Variants in MYO5B observed in about 807,000 individuals in gnomAD.
MYO5B encodes myosin VB, also known as unconventional myosin-Vb.
MYO5B carries 143 observed loss-of-function variants against 229.3 expected under a neutral mutation model. The observed-to-expected ratio is 0.62, with a 90% CI of 0.54 to 0.72. The LOEUF (loss-of-function observed/expected upper bound fraction) is 0.72. Among genes scored for constraint, MYO5B ranks in the 30% least tolerant of loss-of-function variants. The pLI, the probability that MYO5B is intolerant of heterozygous loss-of-function variation, is 0.00. For missense variants in MYO5B, 2,321 were observed against 2,331.0 expected, an observed-to-expected ratio of 1.00 and a Z score of 0.09; for synonymous variants, 918 against 885.2, an observed-to-expected ratio of 1.04 and a Z score of -0.66.
intron 1 of MYO5B, among the ~76,000 whole-genome samples, chr18:50,187,778 A>G (rs931188268): frequency 5.3e-5 from 8 of 152,168 alleles, no homozygotes; most frequent in Non-Finnish European, 1.0e-4. Context: ...TGGCCTCCCA[A>G]AGTGCTAGGA....
chr18:50,086,326 T>C (rs911683913), intron 1 of MYO5B, among the ~76,000 whole-genome samples: 1 of 152,238 alleles, frequency 6.6e-6, no homozygotes, highest in Non-Finnish European at 1.5e-5. Flanking sequence ...GTACCATGAC[T>C]AGATACACCT....
rs148444859 is a variant in MYO5B at position 49,930,342 on chromosome 18, G to T, written c.2004-744C>A. ...TTACATTATTACAGATTACTTTCCA[G>T]TCTTCAGAGATATGTGCACCATTTT... On this transcript the variant is annotated intron_variant, in intron 16 of 39. Coordinates refer to ENST00000285039, the MANE Select transcript of MYO5B (RefSeq NM_001080467.3). Among the ~76,000 whole-genome samples the T allele has an allele frequency of 4.6e-3, 700 of 152,280 alleles. 3 individuals carry two copies. The highest frequency in any genetic ancestry group is 6.5e-3 in the Non-Finnish European group (441 of 68,030).
chr18:49,890,609 G>C (rs572267650), intron 22 of MYO5B, among the ~76,000 whole-genome samples: 4 of 152,268 alleles, frequency 2.6e-5, no homozygotes, highest in Admixed American at 1.3e-4. Context: ...TTTGTCTTAT[G>C]TTTTCAAGAG....
chr18:50,037,082 C>A lies in MYO5B; in HGVS notation c.311-88G>T. The A allele has an allele frequency of 3.5e-6, 5 of 1,448,018 alleles. No individual in the cohort carries two copies. In the Admixed American group the frequency reaches 6.8e-5, roughly 20 times the overall value. The allele number at this position is 1,448,018 out of a possible 1,614,324, so 89.7% of individuals were successfully genotyped here. On this transcript the variant is annotated intron_variant, in intron 3 of 39. Transcript: ENST00000285039. ...AGGCACCCATCCATTCATACACATG[C>A]CAAAAACCAAAGAATGAGAGGGCAG...
chr18:50,095,166 A>T (rs1373067342), intron 1 of MYO5B, among the ~76,000 whole-genome samples: 3 of 152,214 alleles, frequency 2.0e-5, no homozygotes, highest in Admixed American at 1.3e-4. Context: ...CCTTTCTCAC[A>T]GAGTATCCCC....
At chr18:50,077,502 AACACAC>A (rs60086500) in intron 1 of MYO5B, among the ~76,000 whole-genome samples, 3,779 of 133,582 alleles carry the variant, frequency 0.028, 57 homozygotes, top group Non-Finnish European at 0.036. Context: ...CACACACACA[AACACAC>A]ACACACACAC....
chr18:49,864,401 C>A (rs747677308), intron 27 of MYO5B, 21 bp from the exon 28 acceptor site: 1 of 1,611,792 alleles, frequency 6.2e-7, no homozygotes. Flanking sequence ...GCCCAAGGGC[C>A]GCTGCCATTA....
At chr18:50,098,108 C>T (rs1460348330) in intron 1 of MYO5B, among the ~76,000 whole-genome samples, 6 of 152,106 alleles carry the variant, frequency 3.9e-5, no homozygotes, top group Non-Finnish European at 8.8e-5. Context: ...GAATTCCCTT[C>T]GAAATAAAAT....
Position 50,036,956 on chromosome 18 carries a change from G to A in MYO5B, c.349C>T (p.Pro117Ser). ...TAGATGACATCTTGTCCATAGATTG[G>A]CAACTGTTCATAAGGATTAATGGCA... Reference protein sequence around the residue: ...LVAINPYEQLPIYGQDVIYTY... With the variant: ...LVAINPYEQLSIYGQDVIYTY... Residue 117 changes from proline (P) to serine (S), a missense_variant, in exon 4 of 40, where the codon CCA becomes TCA. Pro to Ser is a moderately conservative substitution (Grantham distance 74). Coordinates refer to ENST00000285039, the MANE Select transcript of MYO5B (RefSeq NM_001080467.3). 6.2e-7 allele frequency: 1 copy of A among 1,614,086 alleles called. No individual in the cohort carries two copies. Among genetic ancestry groups the A allele is most frequent in the Non-Finnish European group, 8.5e-7 (1 of 1,180,010 alleles).
chr18:50,022,728 G>A (rs1345212135), intron 4 of MYO5B, among the ~76,000 whole-genome samples: 1 of 152,210 alleles, frequency 6.6e-6, no homozygotes, highest in Admixed American at 6.5e-5. Flanking sequence ...AGGATGTAAA[G>A]TGACAGAAGT....
At chr18:49,965,097 A>C (rs530444815) in intron 10 of MYO5B, among the ~76,000 whole-genome samples, 1 of 152,240 alleles carries the variant, frequency 6.6e-6, no homozygotes, top group Non-Finnish European at 1.5e-5. Flanking sequence ...TGAGCAAGGT[A>C]GTTCTTACTA....
intron 1 of MYO5B, among the ~76,000 whole-genome samples, chr18:50,166,668 C>A (rs987180361): frequency 6.6e-6 from 1 of 152,084 alleles, no homozygotes; most frequent in African/African-American, 2.4e-5. Context: ...ACTCCCCACC[C>A]CCCGCCTACC....
intron 20 of MYO5B, among the ~76,000 whole-genome samples, chr18:49,903,939 T>A (rs2024871247): frequency 6.6e-6 from 1 of 152,168 alleles, no homozygotes. Flanking sequence ...ATCCGTTAAG[T>A]GGAGGAGTTA....
chr18:49,954,177 G>A, intron 13 of MYO5B, 136 bp downstream of exon 13: 4 of 1,322,814 alleles, frequency 3.0e-6, no homozygotes, highest in East Asian at 4.9e-5. Context: ...GGTAAAAGAG[G>A]ATGGAAGGGG....
At chr18:50,160,216 G>T (rs867165137) in intron 1 of MYO5B, among the ~76,000 whole-genome samples, 1 of 152,232 alleles carries the variant, frequency 6.6e-6, no homozygotes, top group African/African-American at 2.4e-5. Flanking sequence ...GTCAGTGAGG[G>T]TAGCTGCTCT....
intron 5 of MYO5B, among the ~76,000 whole-genome samples, chr18:49,993,458 A>T (rs996455443): frequency 5.9e-5 from 9 of 152,022 alleles, no homozygotes; most frequent in African/African-American, 2.2e-4. Flanking sequence ...CCTAAAACTA[A>T]TGCTCCTGAA....
intron 1 of MYO5B, among the ~76,000 whole-genome samples, chr18:50,115,687 A>T (rs2031949657): frequency 6.6e-6 from 1 of 152,130 alleles, no homozygotes; most frequent in Admixed American, 6.5e-5. Context: ...CTTACAGAAT[A>T]GTCTAGAGCC....
In MYO5B at chr18:50,046,959, C is replaced by G. The variant is rs369629838; in HGVS notation, c.139-6645G>C. Among the ~76,000 whole-genome samples, 929 of 152,178 alleles carry G rather than the reference C, an allele frequency of 6.1e-3. 8 individuals carry two copies. Among genetic ancestry groups the G allele is most frequent in the Middle Eastern group, 0.024 (7 of 294 alleles). On this transcript the variant is annotated intron_variant, in intron 2 of 39. Coordinates refer to ENST00000285039, the MANE Select transcript of MYO5B (RefSeq NM_001080467.3). ...TCATTCAAGATGGATTAAAGACTTA[C>G]ATGTTAGACCTAAAACCATAAAAAC...
At chr18:50,121,246 G>A (rs145065718) in intron 1 of MYO5B, among the ~76,000 whole-genome samples, 2 of 152,220 alleles carry the variant, frequency 1.3e-5, no homozygotes, top group Middle Eastern at 3.4e-3. Context: ...CAAAGCTTGC[G>A]TTATCTGTCC....
Sources: allele counts gnomAD v4.1 joint callset (sites outside exome capture counted in the v4.1 genomes callset), GRCh38; gene constraint gnomAD v4.1.1; transcripts MANE v1.5; gene names NCBI Gene and HGNC (gene_info 2026-07-23, HGNC 2026-07-21).